The following PRDM16 variants were observed in gnomAD, a reference collection of about 807,000 sequenced individuals.
PRDM16 encodes PR/SET domain 16.
A neutral mutation model predicts 110.6 loss-of-function variants in PRDM16; 23 were observed. That is an observed-to-expected ratio of 0.21 (90% CI 0.15 to 0.29). The LOEUF (loss-of-function observed/expected upper bound fraction) is 0.29, where lower values mean the gene tolerates loss of function less well. Among genes scored for constraint, PRDM16 ranks in the 10% least tolerant of loss-of-function variants. The pLI is 1.00. For synonymous variants in PRDM16, 799 were observed against 781.8 expected (o/e 1.02, Z -0.37); for missense variants, 1,615 against 1,794.3 (o/e 0.90, Z 1.81).
At chr1:3,407,944 C>T (rs560699919) in intron 8 of PRDM16, among the ~76,000 whole-genome samples, 2 of 152,214 alleles carry the variant, frequency 1.3e-5, no homozygotes, top group Admixed American at 6.5e-5. Flanking sequence ...GTGGGCAGAT[C>T]GGGTTTATGA....
chr1:3,380,724 C>G (rs532850582), intron 3 of PRDM16, among the ~76,000 whole-genome samples: 17 of 152,314 alleles, frequency 1.1e-4, no homozygotes, highest in African/African-American at 4.1e-4. Context: ...CACGCAAATA[C>G]CTGCAGGGCC....
intron 1 of PRDM16, among the ~76,000 whole-genome samples, chr1:3,109,218 C>T (rs1642732764): frequency 6.6e-6 from 1 of 152,144 alleles, no homozygotes; most frequent in African/African-American, 2.4e-5. Context: ...GTTTTTGTCG[C>T]CTTGGGGCTA....
intron 8 of PRDM16, among the ~76,000 whole-genome samples, chr1:3,411,168 T>C (rs1461491586): frequency 1.3e-5 from 2 of 152,040 alleles, no homozygotes; most frequent in Non-Finnish European, 2.9e-5. Flanking sequence ...CAGACACACA[T>C]GCACCTGCCT....
In PRDM16 at chr1:3,190,832, A is replaced by G. The variant is rs1027784337; in HGVS notation, c.387+4358A>G. Among the ~76,000 whole-genome samples, 2 of 152,230 alleles carry G rather than the reference A, an allele frequency of 1.3e-5. No homozygotes were observed. The highest frequency in any genetic ancestry group is 4.8e-5 in the African/African-American group (2 of 41,468). On this transcript the variant is annotated intron_variant, in intron 2 of 16. Coordinates refer to ENST00000270722, the MANE Select transcript of PRDM16 (RefSeq NM_022114.4). This position sits in a 1 kb window ranked among gnomAD's most constrained non-coding sequence, Gnocchi z 5.0. ...TGTTGAGTAAATCATGACATTTATC[A>G]TCATGCTGTTTATTTTGCTAATTAA...
In PRDM16 at chr1:3,349,564, G is replaced by A. The variant is rs539689860; in HGVS notation, c.439-35588G>A. Among the ~76,000 whole-genome samples, 90 of 152,272 alleles carry A rather than the reference G, an allele frequency of 5.9e-4. 1 individual carries two copies. Among genetic ancestry groups the A allele is most frequent in the African/African-American group, 1.9e-3 (81 of 41,574 alleles). On this transcript the variant is annotated intron_variant, in intron 3 of 16. Transcript: ENST00000270722. ...CTCAACCCAAGGGTGTCCTTGTCCC[G>A]GGGCAGCTGACCCCTCTTTCCCACT...
chr1:3,277,409 A>G (rs1640610531), intron 3 of PRDM16, among the ~76,000 whole-genome samples: 1 of 152,228 alleles, frequency 6.6e-6, no homozygotes, highest in African/African-American at 2.4e-5. Context: ...CCCCAAGCCC[A>G]GGCCACCAGG....
At chr1:3,421,977 C>A (rs1308081097) in intron 12 of PRDM16, among the ~76,000 whole-genome samples, 3 of 145,604 alleles carry the variant, frequency 2.1e-5, no homozygotes, top group African/African-American at 5.2e-5. Flanking sequence ...GACAGGCAGG[C>A]GGACAGACAG....
At position 3,169,622 on chromosome 1, in the gene PRDM16, C is replaced by T. The variant is rs527242200; in HGVS notation, c.38-16503C>T. On this transcript the variant is annotated intron_variant, in intron 1 of 16. Transcript: ENST00000270722. ...CCCTGTCACCTCCTCAACAAAGAGGCTGACAGAGGAAAACAAACGATTAAA... is the reference window on the plus strand; with the variant it reads ...CCCTGTCACCTCCTCAACAAAGAGGTTGACAGAGGAAAACAAACGATTAAA... 5.9e-5 allele frequency among the ~76,000 whole-genome samples: 9 copies of T among 152,314 alleles called. No individual in the cohort carries two copies. The South Asian group carries it at 1.2e-3, about 21-fold the overall frequency.
At chr1:3,210,339 G>C (rs1328630845) in intron 2 of PRDM16, among the ~76,000 whole-genome samples, 1 of 152,202 alleles carries the variant, frequency 6.6e-6, no homozygotes, top group Non-Finnish European at 1.5e-5. Context: ...ATGCTCCCTG[G>C]GATCCATGGG....
intron 7 of PRDM16, 46 bp downstream of exon 7, chr1:3,404,932 C>A: frequency 6.3e-7 from 1 of 1,589,536 alleles, no homozygotes; most frequent in Non-Finnish European, 8.5e-7. Flanking sequence ...CAGCAGGAGG[C>A]TGCAGACGGG....
At chr1:3,389,607 C>T (rs1643262954) in intron 4 of PRDM16, among the ~76,000 whole-genome samples, 1 of 152,212 alleles carries the variant, frequency 6.6e-6, no homozygotes, top group Non-Finnish European at 1.5e-5. Flanking sequence ...TGTTCCTGGG[C>T]CCGGCCCTGT....
At chr1:3,218,868 A>G (rs979868831) in intron 2 of PRDM16, among the ~76,000 whole-genome samples, 1 of 152,206 alleles carries the variant, frequency 6.6e-6, no homozygotes, top group African/African-American at 2.4e-5. Flanking sequence ...CCCAGCTGGC[A>G]TTTTTGGAGA....
intron 3 of PRDM16, among the ~76,000 whole-genome samples, chr1:3,305,998 G>A (rs555483764): frequency 2.6e-5 from 4 of 152,354 alleles, no homozygotes; most frequent in African/African-American, 9.6e-5. Flanking sequence ...CAAGCTCGAG[G>A]CATCCTTGGC....
chr1:3,135,668 CTT>C (rs1249858436), intron 1 of PRDM16, among the ~76,000 whole-genome samples: 1 of 152,252 alleles, frequency 6.6e-6, no homozygotes, highest in Non-Finnish European at 1.5e-5. Flanking sequence ...CCTCACCCAG[CTT>C]CCGGGCACTG....
chr1:3,403,404 C>T (rs377146187), intron 6 of PRDM16, among the ~76,000 whole-genome samples: 1 of 152,240 alleles, frequency 6.6e-6, no homozygotes, highest in Non-Finnish European at 1.5e-5. Flanking sequence ...GGTCCCAGAC[C>T]GGGATGGGGG....
At chr1:3,373,130 AAG>A (rs1235669768) in intron 3 of PRDM16, among the ~76,000 whole-genome samples, 2 of 152,176 alleles carry the variant, frequency 1.3e-5, no homozygotes, top group Non-Finnish European at 2.9e-5. Context: ...AGGCACACAC[AAG>A]AGTCTCCTCA....
At chr1:3,404,061 G>C (rs77539666) in intron 6 of PRDM16, among the ~76,000 whole-genome samples, 1 of 152,322 alleles carries the variant, frequency 6.6e-6, no homozygotes, top group Non-Finnish European at 1.5e-5. Flanking sequence ...CCTGATGCTC[G>C]GGAACCAGGC....
chr1:3,286,325 C>G (rs1640843642), intron 3 of PRDM16, among the ~76,000 whole-genome samples: 1 of 152,222 alleles, frequency 6.6e-6, no homozygotes, highest in South Asian at 2.1e-4. Flanking sequence ...TGCAGTTAAC[C>G]CTTCAGAGAG....
chr1:3,094,570 A>G (rs1642351954), intron 1 of PRDM16, among the ~76,000 whole-genome samples: 1 of 152,230 alleles, frequency 6.6e-6, no homozygotes. Context: ...CCGGGACGCT[A>G]TAAAGCTTGG....
Sources: gnomAD v4.1 joint callset for allele counts (sites outside exome capture counted in the v4.1 genomes callset) on GRCh38, gnomAD v4.1.1 for gene constraint, Gnocchi (gnomAD v3.1) non-coding constraint, MANE v1.5 for transcripts, NCBI Gene and HGNC (gene_info 2026-07-23, HGNC 2026-07-21) for gene names.